Variants in OSBP2 observed in about 807,000 individuals in gnomAD.
The protein encoded by OSBP2 is oxysterol binding protein 2.
Under a neutral mutation model 96.0 loss-of-function variants are expected in OSBP2, and 66 were observed. That is an observed-to-expected ratio of 0.69 (90% CI 0.56 to 0.84). The LOEUF (loss-of-function observed/expected upper bound fraction) is 0.84, where lower values mean the gene tolerates loss of function less well. OSBP2 is among the 40% of genes least tolerant of loss of function. The probability of loss-of-function intolerance (pLI) is 0.00; values close to 1 mark genes in which losing one functional copy is unlikely to be tolerated. For synonymous variants in OSBP2, 525 were observed against 520.9 expected, an observed-to-expected ratio of 1.01 and a Z score of -0.11; for missense variants, 1,038 against 1,222.7, an observed-to-expected ratio of 0.85 and a Z score of 2.25.
At chr22:30,850,687 C>A (rs1279223652) in intron 2 of OSBP2, among the ~76,000 whole-genome samples, 1 of 152,056 alleles carries the variant, frequency 6.6e-6, no homozygotes, top group Non-Finnish European at 1.5e-5. Context: ...TTAATAGAGG[C>A]AGGGTTTCAC....
At chr22:30,799,559 C>T (rs954907423) in intron 2 of OSBP2, among the ~76,000 whole-genome samples, 2 of 152,228 alleles carry the variant, frequency 1.3e-5, no homozygotes, top group East Asian at 3.8e-4. Context: ...CCCTGGGTTT[C>T]GTAGTGACAG....
chr22:30,762,345 C>T (rs1362608765), intron 2 of OSBP2, among the ~76,000 whole-genome samples: 2 of 152,130 alleles, frequency 1.3e-5, no homozygotes, highest in Admixed American at 6.5e-5. Flanking sequence ...GTCAGGAGAT[C>T]GAGACATCCT....
intron 1 of OSBP2, among the ~76,000 whole-genome samples, chr22:30,712,462 T>C (rs1365905058): frequency 1.3e-5 from 2 of 152,206 alleles, no homozygotes; most frequent in Non-Finnish European, 2.9e-5. Flanking sequence ...GCCATTTCCA[T>C]GAGGTCAGGG....
At chr22:30,775,328 C>T (rs2090416074) in intron 2 of OSBP2, among the ~76,000 whole-genome samples, 1 of 152,108 alleles carries the variant, frequency 6.6e-6, no homozygotes, top group Non-Finnish European at 1.5e-5. Context: ...ACAAAATCGA[C>T]CAGGCGCAGT....
At chr22:30,762,320 C>A (rs554392091) in intron 2 of OSBP2, among the ~76,000 whole-genome samples, 1 of 152,144 alleles carries the variant, frequency 6.6e-6, no homozygotes, top group Non-Finnish European at 1.5e-5. Flanking sequence ...GAGGCCAAGG[C>A]GGGTGGACCA....
intron 2 of OSBP2, among the ~76,000 whole-genome samples, chr22:30,856,373 CTTTTTTTTTTTTTTTT>C (rs56875088): frequency 2.2e-4 from 22 of 101,432 alleles, no homozygotes; most frequent in Non-Finnish European, 4.0e-4. Flanking sequence ...CAGAGCCCTT[CTTTTTTTTTTTTTTTT>C]TTTTTTTTTT....
intron 2 of OSBP2, among the ~76,000 whole-genome samples, chr22:30,808,302 G>T (rs2090958425): frequency 6.6e-6 from 1 of 151,970 alleles, no homozygotes; most frequent in Non-Finnish European, 1.5e-5. Context: ...GGAGTGCAAG[G>T]CCAGCCCAGG....
Position 30,844,139 on chromosome 22 carries a change from T to C in OSBP2, c.854-26290T>C, listed in dbSNP as rs1397589460. ...ATCTGCTCGCTTTGGCCTCCCAAAG[T>C]GGTAGGATTACAAGCATGAGCCACC... On this transcript the variant is annotated intron_variant, in intron 2 of 13. Transcript: ENST00000332585. Among the ~76,000 whole-genome samples, 6 of 152,208 alleles carry C rather than the reference T, an allele frequency of 3.9e-5. No homozygotes were observed. In the South Asian group the frequency reaches 6.2e-4, roughly 16 times the overall value.
intron 2 of OSBP2, among the ~76,000 whole-genome samples, chr22:30,830,715 C>T (rs763822021): frequency 6.6e-6 from 1 of 152,170 alleles, no homozygotes; most frequent in Non-Finnish European, 1.5e-5. Flanking sequence ...TCTTCTGTGC[C>T]CTAGGCATTC....
At chr22:30,755,090 A>G (rs1269611670) in intron 2 of OSBP2, among the ~76,000 whole-genome samples, 4 of 152,186 alleles carry the variant, frequency 2.6e-5, no homozygotes. Flanking sequence ...CGCCCTAGCC[A>G]GGATCAGCTC....
chr22:30,717,098 G>T (rs796192561), intron 1 of OSBP2, among the ~76,000 whole-genome samples: 15,711 of 113,580 alleles, frequency 0.14, 1,309 homozygotes, highest in East Asian at 0.39. Flanking sequence ...TTTTGTGTGT[G>T]TGTGTGTGTG....
At chr22:30,766,545 C>G (rs1328500399) in intron 2 of OSBP2, among the ~76,000 whole-genome samples, 1 of 152,164 alleles carries the variant, frequency 6.6e-6, no homozygotes, top group Admixed American at 6.5e-5. Flanking sequence ...GCCTGGAGCC[C>G]GTGTAGTGCC....
At chr22:30,763,518 T>C (rs1388211220) in intron 2 of OSBP2, among the ~76,000 whole-genome samples, 1 of 151,932 alleles carries the variant, frequency 6.6e-6, no homozygotes, top group East Asian at 1.9e-4. Context: ...TGGTGGTGCA[T>C]GCCTCTAATC....
intron 2 of OSBP2, among the ~76,000 whole-genome samples, chr22:30,777,255 C>T (rs187504214): frequency 6.6e-6 from 1 of 152,172 alleles, no homozygotes; most frequent in East Asian, 1.9e-4. Context: ...GGCTGTGTCC[C>T]CACTCAGATC....
At chr22:30,853,971 G>A (rs1479006841) in intron 2 of OSBP2, among the ~76,000 whole-genome samples, 3 of 152,058 alleles carry the variant, frequency 2.0e-5, no homozygotes, top group African/African-American at 4.8e-5. Context: ...GTGTTAGCCA[G>A]GATGGTCTCG....
intron 3 of OSBP2, among the ~76,000 whole-genome samples, chr22:30,872,845 C>T (rs150428366): frequency 3.3e-5 from 5 of 152,208 alleles, no homozygotes; most frequent in Non-Finnish European, 5.9e-5. Context: ...AGGCTGTTTG[C>T]GTGGCTCTCA....
chr22:30,814,976 C>A (rs923512506), intron 2 of OSBP2, among the ~76,000 whole-genome samples: 3 of 152,116 alleles, frequency 2.0e-5, no homozygotes, highest in Admixed American at 6.5e-5. Context: ...GGTGACCTGA[C>A]TGGTGTTAAA....
chr22:30,694,764 GAC>G, upstream of OSBP2: 1 of 558,646 alleles, frequency 1.8e-6, no homozygotes, highest in Non-Finnish European at 2.3e-6. Context: ...GGCGGGCGCT[GAC>G]GGGCACGGAG....
intron 9 of OSBP2, 80 bp from the exon 10 acceptor site, chr22:30,893,383 T>A (rs767700470): frequency 2.5e-5 from 38 of 1,538,966 alleles, no homozygotes; most frequent in Non-Finnish European, 3.4e-5. Context: ...AGCCTAGTTC[T>A]CAAGACACCA....
Sources: allele counts gnomAD v4.1 joint callset (sites outside exome capture counted in the v4.1 genomes callset), GRCh38; gene constraint gnomAD v4.1.1; transcripts MANE v1.5; gene names NCBI Gene and HGNC (gene_info 2026-07-23, HGNC 2026-07-21).